CUX2: variants seen among roughly 807,000 people sequenced by gnomAD.
CUX2 encodes the protein homeobox protein cut-like 2.
CUX2 carries 40 observed loss-of-function variants against 144.8 expected under a neutral mutation model. That is an observed-to-expected ratio of 0.28 (90% CI 0.21 to 0.36). The LOEUF (loss-of-function observed/expected upper bound fraction) is 0.36. CUX2 is among the 10% of genes least tolerant of loss of function. The probability of loss-of-function intolerance (pLI) is 1.00; values close to 1 mark genes in which losing one functional copy is unlikely to be tolerated. For synonymous variants in CUX2, 827 were observed against 875.6 expected, an observed-to-expected ratio of 0.94 and a Z score of 0.98; for missense variants, 1,615 against 1,994.0, an observed-to-expected ratio of 0.81 and a Z score of 3.62.
At chr12:111,192,917 T>C (rs1342676575) in intron 1 of CUX2, among the ~76,000 whole-genome samples, 1 of 152,244 alleles carries the variant, frequency 6.6e-6, no homozygotes, top group Non-Finnish European at 1.5e-5. Flanking sequence ...TTTAAACATG[T>C]CTCAGTTTTA....
intron 1 of CUX2, among the ~76,000 whole-genome samples, chr12:111,066,810 G>C (rs1003741878): frequency 6.6e-6 from 1 of 152,204 alleles, no homozygotes; most frequent in Non-Finnish European, 1.5e-5. Context: ...TTTACAAGCT[G>C]TGTGATCTTG....
At chr12:111,309,855 C>T (rs574218290) in intron 14 of CUX2, among the ~76,000 whole-genome samples, 186 bp from the exon 15 acceptor site, 1 of 151,424 alleles carries the variant, frequency 6.6e-6, no homozygotes, top group East Asian at 1.9e-4. Context: ...CTTTCTCTCA[C>T]ATGTGGTCTC....
At chr12:111,219,762 C>A (rs548005275) in intron 3 of CUX2, among the ~76,000 whole-genome samples, 7 of 152,264 alleles carry the variant, frequency 4.6e-5, no homozygotes, top group African/African-American at 1.7e-4. Context: ...TGGAATCCCA[C>A]CTCTCCCACT....
chr12:111,148,890 G>A (rs1032575254), intron 1 of CUX2, among the ~76,000 whole-genome samples: 4 of 152,084 alleles, frequency 2.6e-5, no homozygotes, highest in South Asian at 4.1e-4. Context: ...TCAGCTACTC[G>A]GGAGGCTGAG....
chr12:111,312,547 A>C lies in CUX2; in HGVS notation c.2002+346A>C, dbSNP rs1592952885. 1.2e-5 allele frequency among the ~76,000 whole-genome samples: 1 copy of C among 86,956 alleles called. No individual in the cohort carries two copies. The highest frequency in any genetic ancestry group is 2.0e-5 in the Non-Finnish European group (1 of 50,686). 57.0% of individuals were successfully genotyped at this position (86,956 alleles called of 152,430 possible). ...AAAACCCCATCTCTACTAAAAATAC[A>C]AAATTACCTGGGCATGGTGATATGT... On this transcript the variant is annotated intron_variant, in intron 16 of 21. Transcript: ENST00000261726. The surrounding 1 kb of genome is among the most constrained non-coding windows in gnomAD (Gnocchi z 4.3).
At chr12:111,134,620 C>CTCTCTCTCTGTGTGTGTGTGTG (rs1026548098) in intron 1 of CUX2, among the ~76,000 whole-genome samples, 18 of 142,204 alleles carry the variant, frequency 1.3e-4, no homozygotes, top group African/African-American at 5.0e-4. Context: ...CTCTCTCTCT[C>CTCTCTCTCTGTGTGTGTGTGTG]TGTGTGTGTG....
chr12:111,117,479 A>G (rs1397068959), intron 1 of CUX2, among the ~76,000 whole-genome samples: 1 of 152,208 alleles, frequency 6.6e-6, no homozygotes, highest in Admixed American at 6.5e-5. Context: ...CAAAACTAGC[A>G]ACTTGGCCTC....
intron 1 of CUX2, among the ~76,000 whole-genome samples, chr12:111,047,430 A>G (rs1340675699): frequency 6.6e-6 from 1 of 151,966 alleles, no homozygotes; most frequent in Non-Finnish European, 1.5e-5. Context: ...TTTTTACCTT[A>G]TAAGCTCTTT....
rs888888580 is a variant in CUX2 at position 111,034,863 on chromosome 12, C to CGCCGCCGCCGCCGCCAGA, written c.63+637_63+654dup. ...CCCGGACGCGCCGCCACCCGGGGGC[C>CGCCGCCGCCGCCGCCAGA]GCCGCCGCCGCCGCCAGAGCCGCCG... On this transcript the variant is annotated intron_variant, in intron 1 of 21. Coordinates refer to ENST00000261726, the MANE Select transcript of CUX2 (RefSeq NM_015267.4). The surrounding 1 kb of genome is among the most constrained non-coding windows in gnomAD (Gnocchi z 4.2). Among the ~76,000 whole-genome samples the CGCCGCCGCCGCCGCCAGA allele has an allele frequency of 4.0e-5, 6 of 148,772 alleles. No individual in the cohort carries two copies. The highest frequency in any genetic ancestry group is 9.8e-5 in the African/African-American group (4 of 40,878).
chr12:111,064,017 C>T (rs1296761547), intron 1 of CUX2, among the ~76,000 whole-genome samples: 1 of 152,180 alleles, frequency 6.6e-6, no homozygotes, highest in African/African-American at 2.4e-5. Context: ...TGCTTCCTGT[C>T]TGGCTGGCCT....
intron 4 of CUX2, among the ~76,000 whole-genome samples, chr12:111,283,059 A>G (rs1031893934): frequency 6.7e-6 from 1 of 148,806 alleles, no homozygotes; most frequent in African/African-American, 2.5e-5. Flanking sequence ...CTAAAAATAC[A>G]AAAAAAAAAT....
intron 3 of CUX2, among the ~76,000 whole-genome samples, chr12:111,258,874 T>C (rs1434550321): frequency 1.3e-5 from 2 of 152,114 alleles, no homozygotes; most frequent in African/African-American, 2.4e-5. Context: ...TTATTTTTCT[T>C]TTTTTGAAAC....
At chr12:111,258,154 G>A (rs956746884) in intron 3 of CUX2, among the ~76,000 whole-genome samples, 7 of 152,158 alleles carry the variant, frequency 4.6e-5, no homozygotes, top group African/African-American at 7.2e-5. Context: ...CTTGATGCAC[G>A]GACAAACTGG....
At chr12:111,142,390 A>T (rs1387145800) in intron 1 of CUX2, among the ~76,000 whole-genome samples, 1 of 152,210 alleles carries the variant, frequency 6.6e-6, no homozygotes, top group African/African-American at 2.4e-5. Context: ...TTACTATATT[A>T]GAAAAGTCTT....
At chr12:111,334,937 A>G (rs950891186) in intron 19 of CUX2, among the ~76,000 whole-genome samples, 1 of 152,210 alleles carries the variant, frequency 6.6e-6, no homozygotes, top group African/African-American at 2.4e-5. Flanking sequence ...TGAAAACTCC[A>G]TGCATACAAA....
chr12:111,290,505 G>A (rs1000589541), intron 4 of CUX2, among the ~76,000 whole-genome samples: 3 of 152,048 alleles, frequency 2.0e-5, no homozygotes, highest in African/African-American at 7.2e-5. Flanking sequence ...TCAGCTCACT[G>A]CAACCTCTGC....
At chr12:111,054,175 A>C (rs1252097213) in intron 1 of CUX2, among the ~76,000 whole-genome samples, 1 of 152,134 alleles carries the variant, frequency 6.6e-6, no homozygotes, top group Non-Finnish European at 1.5e-5. Context: ...AAAAACAAAA[A>C]CAAAAAACAG....
At chr12:111,332,947 C>A (rs1888184867) in intron 18 of CUX2, among the ~76,000 whole-genome samples, 1 of 152,174 alleles carries the variant, frequency 6.6e-6, no homozygotes, top group African/African-American at 2.4e-5. Flanking sequence ...GTGGCTCACG[C>A]CTGCAATACC....
intron 3 of CUX2, among the ~76,000 whole-genome samples, chr12:111,221,527 A>G (rs1271605756): frequency 6.6e-6 from 1 of 152,092 alleles, no homozygotes; most frequent in Non-Finnish European, 1.5e-5. Flanking sequence ...CCTGGAGCAA[A>G]TACCATCCCA....
Sources: allele counts gnomAD v4.1 joint callset (sites outside exome capture counted in the v4.1 genomes callset), GRCh38; gene constraint gnomAD v4.1.1; non-coding constraint Gnocchi (gnomAD v3.1); transcripts MANE v1.5; gene names NCBI Gene and HGNC (gene_info 2026-07-23, HGNC 2026-07-21).